KAZN: variants seen among roughly 807,000 people sequenced by gnomAD.
The protein encoded by KAZN is kazrin, periplakin interacting protein, also known as kazrin.
KAZN carries 40 observed loss-of-function variants against 87.4 expected under a neutral mutation model. That is an observed-to-expected ratio of 0.46 (90% CI 0.36 to 0.60). KAZN has a LOEUF of 0.60. Among genes scored for constraint, KAZN ranks in the 20% least tolerant of loss-of-function variants. KAZN has a pLI of 0.00. For synonymous variants in KAZN, 466 were observed against 458.3 expected, an observed-to-expected ratio of 1.02 and a Z score of -0.22; for missense variants, 898 against 1,073.9, an observed-to-expected ratio of 0.84 and a Z score of 2.29.
At chr1:13,987,386 T>C (rs1488564515) in intron 1 of KAZN, among the ~76,000 whole-genome samples, 1 of 152,208 alleles carries the variant, frequency 6.6e-6, no homozygotes, top group East Asian at 1.9e-4. Flanking sequence ...GTATTCTTAT[T>C]GTTCAACTCC....
intron 1 of KAZN, among the ~76,000 whole-genome samples, chr1:14,178,367 C>T (rs567088143): frequency 4.6e-5 from 7 of 152,314 alleles, no homozygotes; most frequent in East Asian, 1.9e-4. Flanking sequence ...ATTAGATATA[C>T]GTTAGCTTTA....
chr1:14,074,075 C>G (rs1010837963), intron 1 of KAZN, among the ~76,000 whole-genome samples: 4 of 152,092 alleles, frequency 2.6e-5, no homozygotes, highest in Admixed American at 2.6e-4. Flanking sequence ...TTTGCAGGGC[C>G]CTGGACAATA....
Position 14,820,679 on chromosome 1 carries a change from C to G in KAZN, c.227-140005C>G, listed in dbSNP as rs760953445. 9.2e-5 allele frequency among the ~76,000 whole-genome samples: 14 copies of G among 152,212 alleles called. No individual in the cohort carries two copies. The highest frequency in any genetic ancestry group is 2.2e-4 in the African/African-American group (9 of 41,454). On this transcript the variant is annotated intron_variant, in intron 1 of 14. Coordinates refer to ENST00000376030, the MANE Select transcript of KAZN (RefSeq NM_201628.3). The surrounding 1 kb of genome is among the most constrained non-coding windows in gnomAD (Gnocchi z 4.1). ...TTCAAAAGGAAGATGAAGGCCCCAG[C>G]AAGGGAGGTATTCCTGTCTTGAGCA...
In KAZN at chr1:14,996,259, C is replaced by T. The variant is rs991868704; in HGVS notation, c.418+35384C>T. On this transcript the variant is annotated intron_variant, in intron 2 of 14. Coordinates refer to ENST00000376030, the MANE Select transcript of KAZN (RefSeq NM_201628.3). The surrounding 1 kb of genome is among the most constrained non-coding windows in gnomAD (Gnocchi z 5.9). ...GGTCGGCCTTTCTCTTTCTTGTTCC[C>T]GTGTGTCTCTGTCCACCCAGACCAG... Among the ~76,000 whole-genome samples, 4 of 152,138 alleles carry T rather than the reference C, an allele frequency of 2.6e-5. No homozygotes were observed. Among genetic ancestry groups the T allele is most frequent in the African/African-American group, 4.8e-5 (2 of 41,426 alleles).
chr1:15,112,614 T>A (rs550923879), intron 14 of KAZN, 73 bp downstream of exon 14: 1 of 374,256 alleles, frequency 2.7e-6, no homozygotes, highest in African/African-American at 4.9e-5. Flanking sequence ...TCCCGGGAGC[T>A]CTGTGGCTCC....
chr1:14,038,427 T>A (rs1034603388), intron 1 of KAZN, among the ~76,000 whole-genome samples: 3 of 152,136 alleles, frequency 2.0e-5, no homozygotes, highest in Non-Finnish European at 2.9e-5. Flanking sequence ...TGCAGGAACA[T>A]CCTGCACATT....
At chr1:14,473,325 C>A (rs1262045207) in intron 2 of KAZN, among the ~76,000 whole-genome samples, 1 of 152,164 alleles carries the variant, frequency 6.6e-6, no homozygotes, top group Non-Finnish European at 1.5e-5. Flanking sequence ...CTAAGCCTGG[C>A]AACTTTATCT....
chr1:14,464,331 T>G (rs1343801592), intron 2 of KAZN, among the ~76,000 whole-genome samples: 1 of 152,202 alleles, frequency 6.6e-6, no homozygotes, highest in Non-Finnish European at 1.5e-5. Flanking sequence ...GGTTTTTGCA[T>G]GAAATCTGAC....
chr1:14,848,892 G>A (rs1344991291), intron 1 of KAZN, among the ~76,000 whole-genome samples: 2 of 152,178 alleles, frequency 1.3e-5, no homozygotes, highest in Non-Finnish European at 2.9e-5. Flanking sequence ...AACAAAAGCT[G>A]GGGAAGGCTC....
intron 1 of KAZN, among the ~76,000 whole-genome samples, chr1:14,057,882 A>G (rs1642639020): frequency 6.6e-6 from 1 of 152,206 alleles, no homozygotes; most frequent in African/African-American, 2.4e-5. Context: ...ATATTTTCGG[A>G]AAAATTAATG....
At chr1:15,100,618 T>C (rs1254821022) in intron 10 of KAZN, among the ~76,000 whole-genome samples, 5 of 152,166 alleles carry the variant, frequency 3.3e-5, no homozygotes, top group Admixed American at 6.5e-5. Flanking sequence ...ATTCAAGCAC[T>C]TGCGCACCTG....
At chr1:14,834,237 T>C (rs745815994) in intron 1 of KAZN, among the ~76,000 whole-genome samples, 6 of 152,052 alleles carry the variant, frequency 3.9e-5, no homozygotes, top group Non-Finnish European at 7.4e-5. Context: ...GGTTTCACCA[T>C]GTTGGCCAGG....
intron 1 of KAZN, among the ~76,000 whole-genome samples, chr1:14,178,593 C>T (rs965941033): frequency 2.4e-4 from 36 of 152,178 alleles, no homozygotes; most frequent in African/African-American, 8.0e-4. Context: ...CAACCTTGAA[C>T]AAGCAAAGCA....
chr1:14,300,401 G>T (rs7543455), intron 2 of KAZN, among the ~76,000 whole-genome samples: 117,080 of 151,874 alleles, frequency 0.77, 45,246 homozygotes, highest in South Asian at 0.81. Context: ...CCTGCTAATT[G>T]TTGAATTTTC....
intron 2 of KAZN, among the ~76,000 whole-genome samples, chr1:14,299,855 A>G (rs944273556): frequency 3.9e-5 from 6 of 152,250 alleles, no homozygotes; most frequent in African/African-American, 1.4e-4. Flanking sequence ...AGTCAGCAGA[A>G]CAGGGAGTGT....
chr1:14,499,805 G>A (rs569649322), intron 2 of KAZN, among the ~76,000 whole-genome samples: 2 of 152,204 alleles, frequency 1.3e-5, no homozygotes, highest in East Asian at 1.9e-4. Context: ...TCCAGGTCTT[G>A]TCCTTGCCAG....
At chr1:15,025,931 C>T (rs1033619211) in intron 2 of KAZN, among the ~76,000 whole-genome samples, 12 of 152,132 alleles carry the variant, frequency 7.9e-5, no homozygotes, top group Non-Finnish European at 1.3e-4. Context: ...AAGACCTGAG[C>T]ACCACCTGAT....
At chr1:14,786,500 G>A (rs1020547888) in intron 1 of KAZN, among the ~76,000 whole-genome samples, 4 of 152,084 alleles carry the variant, frequency 2.6e-5, no homozygotes, top group African/African-American at 4.8e-5. Flanking sequence ...GGGCCTAACC[G>A]GGCATGGTGA....
At chr1:13,956,869 T>A (rs149451421) in intron 1 of KAZN, among the ~76,000 whole-genome samples, 137 of 152,328 alleles carry the variant, frequency 9.0e-4, no homozygotes, top group Non-Finnish European at 1.8e-3. Context: ...AAGGGAGGAA[T>A]GTTTCCAAGG....
Sources: allele counts gnomAD v4.1 joint callset (sites outside exome capture counted in the v4.1 genomes callset), GRCh38; gene constraint gnomAD v4.1.1; non-coding constraint Gnocchi (gnomAD v3.1); transcripts MANE v1.5; gene names NCBI Gene and HGNC (gene_info 2026-07-23, HGNC 2026-07-21).